Variants in SLC14A2 observed in about 807,000 individuals in gnomAD.
SLC14A2 encodes the protein urea transporter 2.
In SLC14A2, 91 loss-of-function variants were observed where a neutral mutation model predicts 104.6. The observed-to-expected ratio is 0.87, with a 90% CI of 0.73 to 1.04. The LOEUF (loss-of-function observed/expected upper bound fraction) is 1.04, where lower values mean the gene tolerates loss of function less well. Among genes scored for constraint, SLC14A2 ranks in the 50% least tolerant of loss-of-function variants. The probability of loss-of-function intolerance (pLI) is 0.00; values close to 1 mark genes in which losing one functional copy is unlikely to be tolerated. For missense variants in SLC14A2, 1,189 were observed against 1,156.0 expected, an observed-to-expected ratio of 1.03 and a Z score of -0.41; for synonymous variants, 476 against 466.4, an observed-to-expected ratio of 1.02 and a Z score of -0.27.
chr18:45,565,054 G>A (rs917432021), intron 2 of SLC14A2, among the ~76,000 whole-genome samples: 1 of 10,608 alleles, frequency 9.4e-5, no homozygotes, highest in Admixed American at 1.4e-3. Flanking sequence ...GGTGATGTGT[G>A]TGTGTTCGTG....
intron 1 of SLC14A2, among the ~76,000 whole-genome samples, chr18:45,427,686 T>C (rs540063104): frequency 1.3e-5 from 2 of 152,168 alleles, no homozygotes; most frequent in South Asian, 2.1e-4. Context: ...AACCCAGGAG[T>C]TTCTCCCAGG....
At chr18:45,391,506 C>A (rs2085964477) in intron 1 of SLC14A2, among the ~76,000 whole-genome samples, 1 of 152,224 alleles carries the variant, frequency 6.6e-6, no homozygotes, top group African/African-American at 2.4e-5. Context: ...GCCCCACTGA[C>A]TTCCACAATG....
At chr18:45,528,231 A>C (rs1254168886) in intron 2 of SLC14A2, 1 of 151,680 alleles carries the variant, frequency 6.6e-6, no homozygotes, top group African/African-American at 2.4e-5. Flanking sequence ...AACATATCAG[A>C]AATTACTCCC....
chr18:45,291,623 G>C (rs868692675), intron 1 of SLC14A2, among the ~76,000 whole-genome samples: 1 of 152,144 alleles, frequency 6.6e-6, no homozygotes, highest in Admixed American at 6.5e-5. Flanking sequence ...GGCAGTAAAG[G>C]CATCAGTCAC....
At chr18:45,400,904 G>T (rs374419679) in intron 1 of SLC14A2, among the ~76,000 whole-genome samples, 2 of 152,110 alleles carry the variant, frequency 1.3e-5, no homozygotes, top group African/African-American at 4.8e-5. Flanking sequence ...GAGCCCCTTC[G>T]AACTTCCTCC....
rs200907177 is a variant in SLC14A2, at chr18:45,639,773, G to A, written c.871G>A (p.Gly291Ser). ...GTTACAAGCCATCCCTGTTGGGGTC[G>A]GCCAGGTGTATGGCTGTGACAATCC... is the stretch of plus-strand genomic sequence containing the variant. ...LLLQAIPVGV[G>S]QVYGCDNPWT... Residue 291 changes from glycine to serine, a missense_variant, in exon 7 of 20, where the codon GGC becomes AGC. Gly to Ser is a moderately conservative substitution (Grantham distance 56). Coordinates refer to ENST00000255226, the MANE Select transcript of SLC14A2 (RefSeq NM_007163.4). 4.8e-5 allele frequency: 78 copies of A among 1,613,752 alleles called. No individual in the cohort carries two copies. The highest frequency in any genetic ancestry group is 1.2e-4 in the South Asian group (11 of 91,060).
intron 1 of SLC14A2, among the ~76,000 whole-genome samples, chr18:45,234,887 T>C (rs1460052641): frequency 6.6e-6 from 1 of 152,222 alleles, no homozygotes; most frequent in Non-Finnish European, 1.5e-5. Context: ...CAATACCTTA[T>C]TTAGTCCTCA....
chr18:45,477,491 C>A (rs1490547324), intron 1 of SLC14A2, among the ~76,000 whole-genome samples: 1 of 152,182 alleles, frequency 6.6e-6, no homozygotes, highest in Non-Finnish European at 1.5e-5. Flanking sequence ...CAGTCTGTCC[C>A]TTAGCAGAGC....
chr18:45,370,403 C>T (rs912265026), intron 1 of SLC14A2, among the ~76,000 whole-genome samples: 1 of 152,140 alleles, frequency 6.6e-6, no homozygotes, highest in African/African-American at 2.4e-5. Flanking sequence ...GGCTGGTGAG[C>T]TCAGAGGCCT....
At chr18:45,633,140 G>C (rs879761997) in intron 5 of SLC14A2, among the ~76,000 whole-genome samples, 4 of 152,182 alleles carry the variant, frequency 2.6e-5, no homozygotes, top group Non-Finnish European at 5.9e-5. Context: ...GGCTACATTT[G>C]CCATCAGTTT....
At chr18:45,214,544 G>C (rs1040967657) in intron 1 of SLC14A2, among the ~76,000 whole-genome samples, 1 of 152,026 alleles carries the variant, frequency 6.6e-6, no homozygotes, top group Non-Finnish European at 1.5e-5. Context: ...AATATTTCTT[G>C]TTACTGCTTA....
At chr18:45,425,260 C>T (rs2086408004) in intron 1 of SLC14A2, among the ~76,000 whole-genome samples, 1 of 152,158 alleles carries the variant, frequency 6.6e-6, no homozygotes, top group Non-Finnish European at 1.5e-5. Context: ...CCTTCCAACC[C>T]TAGAATTAAT....
rs1298666570 is a variant in SLC14A2, at chr18:45,414,752, AAAAAAATATATATATATATATATATAT to A, written c.-124-68479_-124-68453del. On this transcript the variant is annotated intron_variant, in intron 1 of 20. Coordinates refer to the SLC14A2 transcript ENST00000586448. ...GTGCAAGGCACCGAGCGTAAAAAAA[AAAAAAATATATATATATATATATATAT>A]ATATATATATATATATAGAAAAGTA... 6.4e-4 allele frequency among the ~76,000 whole-genome samples: 51 copies of A among 79,330 alleles called. 3 individuals are homozygous for A. In the South Asian group the frequency reaches 9.0e-3, roughly 14 times the overall value. The allele number at this position is 79,330 out of a possible 152,430, so 52.0% of individuals were successfully genotyped here.
intron 1 of SLC14A2, among the ~76,000 whole-genome samples, chr18:45,254,637 C>T (rs2084457438): frequency 6.6e-6 from 1 of 152,042 alleles, no homozygotes; most frequent in Admixed American, 6.6e-5. Flanking sequence ...ATCCACACTC[C>T]CTTGTCTCTA....
intron 1 of SLC14A2, among the ~76,000 whole-genome samples, chr18:45,309,684 A>C (rs2085058517): frequency 6.6e-6 from 1 of 152,198 alleles, no homozygotes; most frequent in African/African-American, 2.4e-5. Flanking sequence ...TTTTAAAAAA[A>C]ATTGGTTTTG....
intron 1 of SLC14A2, among the ~76,000 whole-genome samples, chr18:45,346,364 C>A (rs948502593): frequency 6.6e-6 from 1 of 152,156 alleles, no homozygotes; most frequent in Non-Finnish European, 1.5e-5. Flanking sequence ...GCCATGTTGG[C>A]CAGGCTGGTC....
At chr18:45,362,743 G>T (rs1598721819) in intron 1 of SLC14A2, among the ~76,000 whole-genome samples, 1 of 152,214 alleles carries the variant, frequency 6.6e-6, no homozygotes, top group African/African-American at 2.4e-5. Flanking sequence ...GAAGCAGCTG[G>T]TATAGCATCA....
chr18:45,390,691 G>A (rs932501969), intron 1 of SLC14A2, among the ~76,000 whole-genome samples: 1 of 152,112 alleles, frequency 6.6e-6, no homozygotes, highest in African/African-American at 2.4e-5. Context: ...GGGATGGTCA[G>A]GTCTGAAAAA....
chr18:45,224,088 C>T (rs1282923382), intron 1 of SLC14A2, among the ~76,000 whole-genome samples: 1 of 152,132 alleles, frequency 6.6e-6, no homozygotes, highest in Non-Finnish European at 1.5e-5. Flanking sequence ...TCAGCATAAT[C>T]CTTAGTTCCC....
Sources: allele counts gnomAD v4.1 joint callset (sites outside exome capture counted in the v4.1 genomes callset), GRCh38; gene constraint gnomAD v4.1.1; transcripts MANE v1.5; gene names NCBI Gene and HGNC (gene_info 2026-07-23, HGNC 2026-07-21).